Variants in NAALADL2 observed in about 807,000 individuals in gnomAD.
The protein encoded by NAALADL2 is N-acetylated alpha-linked acidic dipeptidase like 2, also known as inactive N-acetylated-alpha-linked acidic dipeptidase-like protein 2.
In NAALADL2, 76 loss-of-function variants were observed where a neutral mutation model predicts 87.2. The ratio of observed to expected loss-of-function variants is 0.87; its 90% CI spans 0.72 to 1.05. The LOEUF is 1.05. Ranked by LOEUF, NAALADL2 falls within the 50% of genes least tolerant of loss-of-function variation. The pLI is 0.00. For missense variants in NAALADL2, 1,089 were observed against 945.8 expected (o/e 1.15, Z -1.99); for synonymous variants, 354 against 331.0 (o/e 1.07, Z -0.75).
chr3:175,328,728 C>A (rs1364465720), intron 5 of NAALADL2, among the ~76,000 whole-genome samples: 1 of 152,114 alleles, frequency 6.6e-6, no homozygotes, highest in Non-Finnish European at 1.5e-5. Context: ...ATTTACATAT[C>A]TAGTCATAAT....
Position 175,755,275 on chromosome 3 carries a change from T to A in NAALADL2, c.2046T>A (p.Ser682Arg), listed in dbSNP as rs759085686. The change falls in exon 13 of 14, where the codon AGT (serine) becomes AGA (arginine). Residue 682 changes from serine (S) to arginine (R), a missense_variant. By Grantham distance (110) the Ser-to-Arg change is moderately radical. Coordinates refer to ENST00000454872, the MANE Select transcript of NAALADL2 (RefSeq NM_207015.3). ...CCATGGCGTTACGCCTGCGGGAGAG[T>A]GCTGAACTTTTTCAGTCTGATGAGA... is the stretch of plus-strand genomic sequence containing the variant. Reference protein sequence around the residue: ...LLAMALRLRESAELFQSDEMR... With the variant: ...LLAMALRLRERAELFQSDEMR... 3.1e-6 allele frequency: 5 copies of A among 1,613,062 alleles called. No individual in the cohort carries two copies. In the South Asian group the frequency reaches 4.4e-5, roughly 14 times the overall value.
intron 4 of NAALADL2, among the ~76,000 whole-genome samples, chr3:175,296,399 T>C (rs990009539): frequency 6.6e-6 from 1 of 152,162 alleles, no homozygotes; most frequent in Non-Finnish European, 1.5e-5. Context: ...GTAACTGGGT[T>C]TCACCATAGA....
intron 2 of NAALADL2, among the ~76,000 whole-genome samples, chr3:174,718,003 C>A (rs1046719210): frequency 6.6e-6 from 1 of 152,012 alleles, no homozygotes; most frequent in Non-Finnish European, 1.5e-5. Flanking sequence ...TTGGGAGGCG[C>A]CTGTAATCCC....
At chr3:175,545,574 T>G (rs1560734918) in intron 9 of NAALADL2, among the ~76,000 whole-genome samples, 3 of 152,142 alleles carry the variant, frequency 2.0e-5, no homozygotes, top group Non-Finnish European at 4.4e-5. Context: ...GATAACCTGC[T>G]AAAAGCACTG....
chr3:175,414,250 G>A (rs1405676169), intron 5 of NAALADL2, among the ~76,000 whole-genome samples: 5 of 152,148 alleles, frequency 3.3e-5, no homozygotes, highest in Non-Finnish European at 5.9e-5. Flanking sequence ...GAGAAAAAAC[G>A]CAGGGAGCCA....
chr3:175,022,285 G>A (rs563940907), intron 1 of NAALADL2, among the ~76,000 whole-genome samples: 2 of 152,036 alleles, frequency 1.3e-5, no homozygotes, highest in African/African-American at 2.4e-5. Flanking sequence ...CTAATCATAG[G>A]GTACAAATAA....
intron 2 of NAALADL2, among the ~76,000 whole-genome samples, chr3:175,108,245 G>A (rs1328383870): frequency 6.6e-6 from 1 of 151,904 alleles, no homozygotes; most frequent in Non-Finnish European, 1.5e-5. Flanking sequence ...GCAAGCTAAT[G>A]TCTTCCTCTC....
intron 3 of NAALADL2, among the ~76,000 whole-genome samples, chr3:174,790,348 A>T (rs757688435): frequency 6.6e-6 from 1 of 152,118 alleles, no homozygotes; most frequent in Non-Finnish European, 1.5e-5. Flanking sequence ...AAAAAGAATG[A>T]TCTGTCAAAT....
chr3:175,330,487 C>T (rs757287648), intron 5 of NAALADL2, among the ~76,000 whole-genome samples: 2 of 151,518 alleles, frequency 1.3e-5, no homozygotes, highest in Non-Finnish European at 2.9e-5. Context: ...CCTCAGACCG[C>T]AATGGAATAA....
intron 2 of NAALADL2, among the ~76,000 whole-genome samples, chr3:175,177,819 C>A (rs1385899063): frequency 6.9e-6 from 1 of 144,334 alleles, no homozygotes; most frequent in Admixed American, 7.2e-5. Context: ...GGTGATTTGC[C>A]CAGTGAGGTA....
chr3:175,429,652 G>C (rs1466603429), intron 5 of NAALADL2, among the ~76,000 whole-genome samples: 1 of 151,938 alleles, frequency 6.6e-6, no homozygotes, highest in African/African-American at 2.4e-5. Context: ...ACATATGCAA[G>C]TTGATGTACA....
chr3:175,614,567 A>G (rs2149682225), intron 10 of NAALADL2, among the ~76,000 whole-genome samples: 1 of 152,308 alleles, frequency 6.6e-6, no homozygotes, highest in South Asian at 2.1e-4. Context: ...GAAAATCTGT[A>G]TTATCTTGAC....
At chr3:174,997,131 G>A (rs567189017) in intron 1 of NAALADL2, among the ~76,000 whole-genome samples, 29 of 151,488 alleles carry the variant, frequency 1.9e-4, no homozygotes, top group African/African-American at 6.5e-4. Context: ...TGAGAATTGT[G>A]CAGCTATAAA....
At chr3:175,233,152 T>C (rs1189066223) in intron 2 of NAALADL2, among the ~76,000 whole-genome samples, 4 of 152,218 alleles carry the variant, frequency 2.6e-5, no homozygotes, top group Non-Finnish European at 5.9e-5. Context: ...ATTGTGCTCA[T>C]AGCATCATGT....
At chr3:175,596,687 T>C (rs1722286094) in intron 10 of NAALADL2, among the ~76,000 whole-genome samples, 1 of 151,970 alleles carries the variant, frequency 6.6e-6, no homozygotes, top group Admixed American at 6.6e-5. Context: ...AGAAAATATT[T>C]TAGTGTACAT....
intron 11 of NAALADL2, among the ~76,000 whole-genome samples, chr3:175,707,591 T>C (rs1739899477): frequency 6.6e-6 from 1 of 152,112 alleles, no homozygotes; most frequent in South Asian, 2.1e-4. Context: ...AGCAAGCGAT[T>C]GCAAAACTTT....
chr3:174,996,993 GGTGTGTGTGTGT>G (rs34590643), intron 1 of NAALADL2, among the ~76,000 whole-genome samples: 2,169 of 121,562 alleles, frequency 0.018, 37 homozygotes, highest in Middle Eastern at 0.05. Context: ...TATTCCAAGG[GGTGTGTGTGTGT>G]GTGTGTGTGT....
intron 2 of NAALADL2, among the ~76,000 whole-genome samples, chr3:174,680,080 T>G (rs1318172684): frequency 1.7e-5 from 2 of 116,930 alleles, no homozygotes; most frequent in African/African-American, 6.1e-5. Context: ...CTTAATAATA[T>G]AACCAGGTAT....
chr3:174,929,682 G>T (rs577747021), intron 1 of NAALADL2, among the ~76,000 whole-genome samples: 1 of 152,020 alleles, frequency 6.6e-6, no homozygotes, highest in African/African-American at 2.4e-5. Context: ...AGTTTACACC[G>T]TTGGACTATG....
Sources: allele counts gnomAD v4.1 joint callset (sites outside exome capture counted in the v4.1 genomes callset), GRCh38; gene constraint gnomAD v4.1.1; transcripts MANE v1.5; gene names NCBI Gene and HGNC (gene_info 2026-07-23, HGNC 2026-07-21).